The following LOXHD1 variants were observed in gnomAD, a reference collection of about 807,000 sequenced individuals.
The protein encoded by LOXHD1 is lipoxygenase homology domain-containing protein 1.
A neutral mutation model predicts 248.2 loss-of-function variants in LOXHD1; 205 were observed. That is an observed-to-expected ratio of 0.83 (90% confidence interval 0.74 to 0.93). The LOEUF (loss-of-function observed/expected upper bound fraction) is 0.93, where lower values mean the gene tolerates loss of function less well. Among genes scored for constraint, LOXHD1 ranks in the 40% least tolerant of loss-of-function variants. LOXHD1 has a pLI of 0.00. For synonymous variants in LOXHD1, 1,113 were observed against 1,162.8 expected, an observed-to-expected ratio of 0.96 and a Z score of 0.87; for missense variants, 2,930 against 2,971.6, an observed-to-expected ratio of 0.99 and a Z score of 0.33.
rs547335982 is a variant in LOXHD1 at position 46,657,144 on chromosome 18, C to G, written c.-111G>C. ...TCTGGCGCCCACGGCCCTCCTATAG[C>G]TCAGGCCTGGGTGGGCCAGAGTGCC... On this transcript the variant is annotated 5_prime_UTR_variant, in exon 1 of 41. Transcript: ENST00000642948. The G allele has an allele frequency of 6.6e-7, 1 of 1,522,446 alleles. No individual in the cohort carries two copies. The highest frequency in any genetic ancestry group is 1.4e-5 in the African/African-American group (1 of 72,742). The allele number at this position is 1,522,446 out of a possible 1,614,324, so 94.3% of individuals were successfully genotyped here.
chr18:46,656,969 T>A lies in LOXHD1; in HGVS notation c.65A>T (p.Glu22Val). Residue 22 changes from glutamate to valine, a missense_variant, in exon 1 of 41, where the codon GAG becomes GTG. Transcript: ENST00000642948. ...GTCCTCCGAGGCGTAGTTCAGCAGCTCCGCTTCGTACAGGGCCAGGAAGTC... is the reference window on the plus strand; with the variant it reads ...GTCCTCCGAGGCGTAGTTCAGCAGCACCGCTTCGTACAGGGCCAGGAAGTC... The part of the protein sequence containing the change: ...DIDFLALYEA[E>V]LLNYASEDDE... 1 of 1,551,630 alleles carries A rather than the reference T, an allele frequency of 6.4e-7. No homozygotes were observed. The highest frequency in any genetic ancestry group is 8.7e-7 in the Non-Finnish European group (1 of 1,146,950).
intron 1 of LOXHD1, among the ~76,000 whole-genome samples, chr18:46,656,298 G>A (rs959281244): frequency 6.6e-6 from 1 of 152,198 alleles, no homozygotes; most frequent in African/African-American, 2.4e-5. Context: ...CAGCTCTAGG[G>A]TCACAGTTCA....
chr18:46,486,735 T>C (rs1391586261), intron 38 of LOXHD1, among the ~76,000 whole-genome samples: 2 of 152,144 alleles, frequency 1.3e-5, no homozygotes, highest in Non-Finnish European at 2.9e-5. Context: ...ATCACCGTGA[T>C]GGACTCAAGT....
chr18:46,570,665 G>A (rs1327122008), intron 15 of LOXHD1, among the ~76,000 whole-genome samples: 1 of 152,122 alleles, frequency 6.6e-6, no homozygotes, highest in Non-Finnish European at 1.5e-5. Flanking sequence ...TCAATCTTTT[G>A]GTTTCCCTGG....
intron 28 of LOXHD1, 62 bp downstream of exon 28, chr18:46,533,100 C>T: frequency 7.9e-6 from 12 of 1,527,070 alleles, no homozygotes; most frequent in Non-Finnish European, 1.1e-5. Context: ...AGGGCATGTG[C>T]TCAGGAGGAC....
At chr18:46,547,140 G>T in intron 21 of LOXHD1, 82 bp from the exon 22 acceptor site, 1 of 1,480,258 alleles carries the variant, frequency 6.8e-7, no homozygotes, top group Non-Finnish European at 9.2e-7. Flanking sequence ...AGAATGAGAG[G>T]CCCTCTATGG....
intron 4 of LOXHD1, among the ~76,000 whole-genome samples, chr18:46,620,513 G>A (rs1340393506): frequency 2.6e-5 from 4 of 152,214 alleles, no homozygotes; most frequent in African/African-American, 9.7e-5. Context: ...CCAGAAGGCA[G>A]AATTCTAATT....
intron 20 of LOXHD1, among the ~76,000 whole-genome samples, chr18:46,558,686 G>A (rs2037435481): frequency 6.6e-6 from 1 of 152,208 alleles, no homozygotes; most frequent in African/African-American, 2.4e-5. Context: ...GCAGGAATGG[G>A]AAGGGTGAGA....
At chr18:46,496,722 G>A (rs1169353242) in intron 37 of LOXHD1, among the ~76,000 whole-genome samples, 3 of 152,196 alleles carry the variant, frequency 2.0e-5, no homozygotes, top group Non-Finnish European at 4.4e-5. Context: ...ATACAGAATG[G>A]CCAGTCACAG....
At chr18:46,656,732 C>T (rs1454924182) in intron 1 of LOXHD1, among the ~76,000 whole-genome samples, 172 bp downstream of exon 1, 1 of 152,158 alleles carries the variant, frequency 6.6e-6, no homozygotes, top group Non-Finnish European at 1.5e-5. Context: ...CCCCACCATC[C>T]CTGCATAATG....
At position 46,559,429 on chromosome 18, in the gene LOXHD1, C is replaced by G; in HGVS notation, c.3216+19G>C. 6.4e-7 allele frequency: 1 copy of G among 1,552,020 alleles called. No individual in the cohort carries two copies. Among genetic ancestry groups the G allele is most frequent in the East Asian group, 2.4e-5 (1 of 40,922 alleles). ...CAAACCCACAGCCCCCACCCAGGGG[C>G]CAGAGACCCTCACCCTACCTGCCCC... is the stretch of plus-strand genomic sequence containing the variant. On this transcript the variant is annotated intron_variant, in intron 20 of 40. Coordinates refer to ENST00000642948, the MANE Select transcript of LOXHD1 (RefSeq NM_001384474.1).
chr18:46,598,887 G>C (rs1213121667), intron 8 of LOXHD1, among the ~76,000 whole-genome samples: 1 of 152,128 alleles, frequency 6.6e-6, no homozygotes, highest in African/African-American at 2.4e-5. Flanking sequence ...GAATCTATAG[G>C]TCCAAATGAA....
Position 46,586,064 on chromosome 18 carries a change from G to A in LOXHD1, c.1654+5869C>T, listed in dbSNP as rs185359615. 9.9e-5 allele frequency among the ~76,000 whole-genome samples: 15 copies of A among 152,282 alleles called. 1 individual carries two copies. In the East Asian group the frequency reaches 2.3e-3, roughly 24 times the overall value. On this transcript the variant is annotated intron_variant, in intron 12 of 40. Coordinates refer to ENST00000642948, the MANE Select transcript of LOXHD1 (RefSeq NM_001384474.1). Reference sequence around the variant, plus strand: ...TCGATACAATGGACTATATTATTCAGCAATAAAAAGAACGGAGTACTGATA... The same window carrying A: ...TCGATACAATGGACTATATTATTCAACAATAAAAAGAACGGAGTACTGATA...
At chr18:46,654,039 G>A (rs1162487514) in intron 1 of LOXHD1, among the ~76,000 whole-genome samples, 2 of 152,160 alleles carry the variant, frequency 1.3e-5, no homozygotes, top group African/African-American at 2.4e-5. Flanking sequence ...GTATTAAGGG[G>A]TGGGGCCTTT....
intron 8 of LOXHD1, among the ~76,000 whole-genome samples, chr18:46,595,685 C>A (rs1174764289): frequency 6.6e-6 from 1 of 152,172 alleles, no homozygotes; most frequent in Non-Finnish European, 1.5e-5. Context: ...GCTGAAGATT[C>A]CATGTGACCA....
chr18:46,483,595 G>A lies in LOXHD1; in HGVS notation c.6333C>T (p.Tyr2111=), dbSNP rs374858340. 7.0e-5 allele frequency: 109 copies of A among 1,551,530 alleles called. No homozygotes were observed. Among genetic ancestry groups the A allele is most frequent in the South Asian group, 2.3e-4 (19 of 84,034 alleles). The part of the protein sequence containing the change: ...VKTITITEME[Y]GNVYFFNCDC... ...AGAGGCTCAGTACATACACATTGCC[G>A]TACTCCATCTCGGTGATGGTGATGG... is the stretch of plus-strand genomic sequence containing the variant. The change falls in exon 40 of 41, where the codon TAC becomes TAT. Residue 2111 remains tyrosine, a synonymous_variant. Transcript: ENST00000642948.
rs999330231 is a variant in LOXHD1, at chr18:46,569,489, G to A, written c.2197C>T (p.Arg733Cys). Residue 733 changes from arginine (R) to cysteine (C), a missense_variant, in exon 16 of 41, where the codon CGT (arginine) becomes TGT (cysteine). Transcript: ENST00000642948. ...AGGGTGAACTCATCCACCCGGCCAC[G>A]TTCAAAGTAGTCTTTGAGGTTGTTG... is the stretch of plus-strand genomic sequence containing the variant. The part of the protein sequence containing the change: ...SDNNLKDYFE[R>C]GRVDEFTLET... 29 of 1,552,028 alleles carry A rather than the reference G, an allele frequency of 1.9e-5. No homozygotes were observed. Among genetic ancestry groups the A allele is most frequent in the African/African-American group, 8.2e-5 (6 of 73,014 alleles).
intron 18 of LOXHD1, among the ~76,000 whole-genome samples, chr18:46,561,092 C>G (rs897694326): frequency 6.6e-6 from 1 of 152,120 alleles, no homozygotes; most frequent in Non-Finnish European, 1.5e-5. Flanking sequence ...TTTTCAATAA[C>G]AAAAATTTCA....
At chr18:46,527,326 T>C (rs1458426091) in intron 29 of LOXHD1, among the ~76,000 whole-genome samples, 1 of 152,182 alleles carries the variant, frequency 6.6e-6, no homozygotes, top group Non-Finnish European at 1.5e-5. Context: ...ACAATGCATT[T>C]ACCAGGCATC....
Sources: allele counts gnomAD v4.1 joint callset (sites outside exome capture counted in the v4.1 genomes callset), GRCh38; gene constraint gnomAD v4.1.1; transcripts MANE v1.5; gene names NCBI Gene and HGNC (gene_info 2026-07-23, HGNC 2026-07-21).